CCDC85C: variants seen among roughly 807,000 people sequenced by gnomAD.
The protein encoded by CCDC85C is coiled-coil domain containing 85C, also known as coiled-coil domain-containing protein 85C.
A neutral mutation model predicts 38.3 loss-of-function variants in CCDC85C; 18 were observed. That is an observed-to-expected ratio of 0.47 (90% confidence interval 0.33 to 0.70). The LOEUF is 0.70. Among genes scored for constraint, CCDC85C ranks in the 30% least tolerant of loss-of-function variants. The pLI is 0.03. For synonymous variants in CCDC85C, 264 were observed against 293.8 expected (o/e 0.90, Z 1.04); for missense variants, 566 against 621.2 (o/e 0.91, Z 0.94).
At chr14:99,582,177 G>C (rs928357037) in intron 1 of CCDC85C, among the ~76,000 whole-genome samples, 4 of 152,112 alleles carry the variant, frequency 2.6e-5, no homozygotes, top group African/African-American at 9.7e-5. Context: ...GACATGGATG[G>C]GGGTACCAGG....
chr14:99,525,489 G>A (rs1439792875), intron 2 of CCDC85C, among the ~76,000 whole-genome samples: 6 of 152,348 alleles, frequency 3.9e-5, no homozygotes, highest in African/African-American at 1.2e-4. Context: ...GGCAGGAAGC[G>A]CCTTTCTGGG....
At position 99,559,827 on chromosome 14, in the gene CCDC85C, C is replaced by T. The variant is rs147086015; in HGVS notation, c.794-23739G>A. ...CTGAAAAAGCCAGATTCCACATAAA[C>T]CCACAGCAGGTGGGCCCGCAGCCAG... On this transcript the variant is annotated intron_variant, in intron 1 of 5. Coordinates refer to ENST00000380243, the MANE Select transcript of CCDC85C (RefSeq NM_001144995.2). Among the ~76,000 whole-genome samples the T allele has an allele frequency of 6.2e-3, 951 of 152,236 alleles. 21 individuals are homozygous for T. The highest frequency in any genetic ancestry group is 0.039 in the East Asian group (203 of 5,172).
At chr14:99,536,477 T>C (rs8009262) in intron 1 of CCDC85C, among the ~76,000 whole-genome samples, 12,682 of 152,220 alleles carry the variant, frequency 0.083, 1,795 homozygotes, top group African/African-American at 0.29. Context: ...CAGGCTCAAA[T>C]GGAGCTCTCA....
chr14:99,524,120 T>C (rs1440003499), intron 2 of CCDC85C, among the ~76,000 whole-genome samples: 2 of 148,890 alleles, frequency 1.3e-5, no homozygotes, highest in Non-Finnish European at 3.0e-5. Context: ...AACCACCTGA[T>C]TTTCTTGGCC....
intron 1 of CCDC85C, among the ~76,000 whole-genome samples, chr14:99,593,505 G>T (rs981810980): frequency 2.0e-5 from 3 of 152,224 alleles, no homozygotes; most frequent in Non-Finnish European, 4.4e-5. Flanking sequence ...AGCTCCTGGG[G>T]CAGGGAGGTA....
intron 1 of CCDC85C, among the ~76,000 whole-genome samples, chr14:99,564,500 G>A (rs1898177330): frequency 6.6e-6 from 1 of 152,196 alleles, no homozygotes; most frequent in African/African-American, 2.4e-5. Context: ...CTATTGAGTT[G>A]CACGACACCG....
At chr14:99,527,473 C>A (rs1490400201) in intron 2 of CCDC85C, among the ~76,000 whole-genome samples, 2 of 152,168 alleles carry the variant, frequency 1.3e-5, no homozygotes, top group African/African-American at 2.4e-5. Flanking sequence ...GAAATGAAAC[C>A]ATGTGGAGAC....
At position 99,548,545 on chromosome 14, in the gene CCDC85C, C is replaced by G. The variant is rs1239344183; in HGVS notation, c.794-12457G>C. On this transcript the variant is annotated intron_variant, in intron 1 of 5. Transcript: ENST00000380243. This position sits in a 1 kb window ranked among gnomAD's most constrained non-coding sequence, Gnocchi z 4.9. Reference sequence around the variant, plus strand: ...GCGCCCAACGAGACAGGCACAAGACCGTGTCTGCCAACACCAGCTGTACTA... The same window carrying G: ...GCGCCCAACGAGACAGGCACAAGACGGTGTCTGCCAACACCAGCTGTACTA... Among the ~76,000 whole-genome samples the G allele has an allele frequency of 6.6e-6, 1 of 151,942 alleles. No individual in the cohort carries two copies. The highest frequency in any genetic ancestry group is 2.4e-5 in the African/African-American group (1 of 41,378).
Position 99,572,783 on chromosome 14 carries a change from TTC to T in CCDC85C, c.793+30382_793+30383del, listed in dbSNP as rs1173103776. On this transcript the variant is annotated intron_variant, in intron 1 of 5. Coordinates refer to ENST00000380243, the MANE Select transcript of CCDC85C (RefSeq NM_001144995.2). The surrounding 1 kb of genome is among the most constrained non-coding windows in gnomAD (Gnocchi z 4.4). ...AGTTTATCCATCTTCCAAAGGAGAC[TTC>T]TGTCTGTCTTGCTTCATGGAAGTAT... 1 of 456,122 alleles carries T rather than the reference TTC, an allele frequency of 2.2e-6. No individual in the cohort carries two copies. The highest frequency in any genetic ancestry group is 4.4e-6 in the Non-Finnish European group (1 of 226,810). 28.3% of individuals were successfully genotyped at this position (456,122 alleles called of 1,614,324 possible).
intron 1 of CCDC85C, among the ~76,000 whole-genome samples, chr14:99,560,007 T>TAAA (rs3070369): frequency 0.41 from 59,543 of 146,528 alleles, 13,313 homozygotes; most frequent in African/African-American, 0.6. Flanking sequence ...CCTTTGAAAT[T>TAAA]AAAAAAAAAA....
intron 3 of CCDC85C, 25 bp downstream of exon 3, chr14:99,522,108 G>A: frequency 6.6e-7 from 1 of 1,525,408 alleles, no homozygotes; most frequent in Non-Finnish European, 8.9e-7. Flanking sequence ...CAGAACATGT[G>A]GGCTTTTTTG....
chr14:99,577,026 A>C (rs1015342523), intron 1 of CCDC85C, among the ~76,000 whole-genome samples: 2 of 151,964 alleles, frequency 1.3e-5, no homozygotes, highest in African/African-American at 4.8e-5. Flanking sequence ...TCAGTCCCAC[A>C]GCTGGCTGGA....
intron 1 of CCDC85C, among the ~76,000 whole-genome samples, chr14:99,556,614 C>G (rs1898015844): frequency 6.6e-6 from 1 of 152,124 alleles, no homozygotes; most frequent in South Asian, 2.1e-4. Context: ...ACTCTGAACT[C>G]CCAGGCTCAG....
chr14:99,584,808 TG>T (rs1179470213), intron 1 of CCDC85C, among the ~76,000 whole-genome samples: 1 of 152,170 alleles, frequency 6.6e-6, no homozygotes, highest in African/African-American at 2.4e-5. Flanking sequence ...AGAACTGCCT[TG>T]GGGCTGGGCG....
rs1158500606 is a variant in CCDC85C at position 99,500,962 on chromosome 14, A to T, written c.*14284T>A. ...TCAAATTACGCTTCTCAAAAGCGGA[A>T]AACAAAGTTTGATGTGTGAAATACC... On this transcript the variant is annotated 3_prime_UTR_variant, in exon 6 of 6. Transcript: ENST00000380243. The T allele has an allele frequency of 1.2e-6, 1 of 828,730 alleles. No homozygotes were observed. The highest frequency in any genetic ancestry group is 2.7e-5 in the East Asian group (1 of 37,166). 51.3% of individuals were successfully genotyped at this position (828,730 alleles called of 1,614,324 possible).
At chr14:99,577,260 A>AC (rs1898498771) in intron 1 of CCDC85C, among the ~76,000 whole-genome samples, 1 of 151,528 alleles carries the variant, frequency 6.6e-6, no homozygotes, top group Non-Finnish European at 1.5e-5. Context: ...ACTGCAGGCC[A>AC]CTATGCGCCT....
At chr14:99,529,454 G>A (rs1469352745) in intron 2 of CCDC85C, among the ~76,000 whole-genome samples, 1 of 152,184 alleles carries the variant, frequency 6.6e-6, no homozygotes, top group African/African-American at 2.4e-5. Flanking sequence ...CCAGGCTGGA[G>A]TGCAGTGCTG....
intron 1 of CCDC85C, chr14:99,580,243 T>C (rs1032059845): frequency 1.5e-5 from 6 of 411,686 alleles, no homozygotes; most frequent in African/African-American, 1.2e-4. Context: ...ACAGCCCACG[T>C]GCACAGTGGG....
intron 1 of CCDC85C, among the ~76,000 whole-genome samples, chr14:99,565,248 G>A (rs1442668816): frequency 2.0e-5 from 3 of 152,110 alleles, no homozygotes; most frequent in African/African-American, 4.8e-5. Flanking sequence ...ACAGCTCGTC[G>A]TGTGCACAAT....
Sources: allele counts gnomAD v4.1 joint callset (sites outside exome capture counted in the v4.1 genomes callset), GRCh38; gene constraint gnomAD v4.1.1; non-coding constraint Gnocchi (gnomAD v3.1); transcripts MANE v1.5; gene names NCBI Gene and HGNC (gene_info 2026-07-23, HGNC 2026-07-21).